The following PCDH15 variants were observed in gnomAD, a reference collection of about 807,000 sequenced individuals.
PCDH15 encodes the protein protocadherin-15.
Under a neutral mutation model 178.5 loss-of-function variants are expected in PCDH15, and 129 were observed. The ratio of observed to expected loss-of-function variants is 0.72; its 90% CI spans 0.63 to 0.84. The LOEUF (loss-of-function observed/expected upper bound fraction) is 0.84, where lower values mean the gene tolerates loss of function less well. Among genes scored for constraint, PCDH15 ranks in the 40% least tolerant of loss-of-function variants. The pLI, the probability that PCDH15 is intolerant of heterozygous loss-of-function variation, is 0.00. For synonymous variants in PCDH15, 800 were observed against 732.0 expected, an observed-to-expected ratio of 1.09 and a Z score of -1.50; for missense variants, 2,230 against 2,099.9, an observed-to-expected ratio of 1.06 and a Z score of -1.21.
rs141507593 is a variant in PCDH15, at chr10:55,484,513, C to T, written c.-156+143112G>A. 1.3e-4 allele frequency among the ~76,000 whole-genome samples: 19 copies of T among 151,490 alleles called. No homozygotes were observed. The East Asian group carries it at 2.7e-3, about 22-fold the overall frequency. On this transcript the variant is annotated intron_variant, in intron 2 of 5. Coordinates refer to the PCDH15 transcript ENST00000613346. ...TTCAATGCTATCCCTAACAAAATAC[C>T]AAGACATTATTCATAAAAATGGAAA...
chr10:53,865,647 TA>T (rs1197356102), intron 27 of PCDH15, among the ~76,000 whole-genome samples: 1 of 152,200 alleles, frequency 6.6e-6, no homozygotes, highest in African/African-American at 2.4e-5. Flanking sequence ...GGCCTTCATT[TA>T]CTCTATTGCA....
chr10:54,170,399 C>G (rs998486869), intron 13 of PCDH15, among the ~76,000 whole-genome samples: 10 of 151,950 alleles, frequency 6.6e-5, no homozygotes, highest in Admixed American at 5.9e-4. Flanking sequence ...CTCATGTCTG[C>G]GTGCAGTGGC....
chr10:54,153,940 T>C (rs12245299), intron 13 of PCDH15, among the ~76,000 whole-genome samples: 2,420 of 152,266 alleles, frequency 0.016, 78 homozygotes, highest in African/African-American at 0.056. Context: ...AAGGGTAACA[T>C]AGCCCAAGAA....
intron 28 of PCDH15, among the ~76,000 whole-genome samples, chr10:53,840,855 C>A (rs1369903448): frequency 3.9e-5 from 6 of 152,150 alleles, no homozygotes; most frequent in Non-Finnish European, 8.8e-5. Flanking sequence ...CTTGACTTCA[C>A]ATGGTTGGTG....
At chr10:55,557,572 A>G (rs956624453) in intron 2 of PCDH15, among the ~76,000 whole-genome samples, 3 of 152,196 alleles carry the variant, frequency 2.0e-5, no homozygotes, top group African/African-American at 7.2e-5. Context: ...TTATCTTACT[A>G]TGGCTTTTGC....
intron 29 of PCDH15, among the ~76,000 whole-genome samples, chr10:53,837,815 T>C (rs545498107): frequency 6.6e-6 from 1 of 151,892 alleles, no homozygotes; most frequent in Non-Finnish European, 1.5e-5. Flanking sequence ...AATTTTATTA[T>C]AAAATCTTTC....
intron 2 of PCDH15, among the ~76,000 whole-genome samples, chr10:55,109,477 G>C (rs1837444333): frequency 6.6e-6 from 1 of 152,108 alleles, no homozygotes. Context: ...TAAATGTCTA[G>C]AGAAGTTTTC....
intron 2 of PCDH15, among the ~76,000 whole-genome samples, chr10:55,028,858 T>A (rs1840541025): frequency 6.6e-6 from 1 of 152,042 alleles, no homozygotes; most frequent in Non-Finnish European, 1.5e-5. Context: ...ACCAACAACT[T>A]TCATATATCA....
At position 55,210,618 on chromosome 10, in the gene PCDH15, C is replaced by CTTTTTTTTTTTTTTTTTTT. The variant is rs11412877; in HGVS notation, c.-155-43986_-155-43968dup. ...ACGATTTTTTTTTCTTTTTTCTTTTCTTTTTTTTTTTTTTTTTTTTTTTTT... is the reference window on the plus strand; with the variant it reads ...ACGATTTTTTTTTCTTTTTTCTTTTCTTTTTTTTTTTTTTTTTTTTTTTTTTTTTTTTTTTTTTTTTTTT... On this transcript the variant is annotated intron_variant, in intron 1 of 5. Transcript: ENST00000458638. Among the ~76,000 whole-genome samples the CTTTTTTTTTTTTTTTTTTT allele has an allele frequency of 3.2e-4, 13 of 40,342 alleles. 2 individuals are homozygous for CTTTTTTTTTTTTTTTTTTT. Among genetic ancestry groups the CTTTTTTTTTTTTTTTTTTT allele is most frequent in the Non-Finnish European group, 3.6e-4 (9 of 24,814 alleles). 26.5% of individuals were successfully genotyped at this position (40,342 alleles called of 152,430 possible).
chr10:54,039,874 A>G (rs924274611), intron 18 of PCDH15, among the ~76,000 whole-genome samples: 25 of 151,940 alleles, frequency 1.6e-4, no homozygotes, highest in Admixed American at 4.6e-4. Flanking sequence ...TGAAGAATTT[A>G]TCATTACAAA....
intron 3 of PCDH15, among the ~76,000 whole-genome samples, chr10:54,479,016 AAAAG>A (rs1554992584): frequency 1.6e-4 from 24 of 151,886 alleles, no homozygotes; most frequent in African/African-American, 5.1e-4. Flanking sequence ...AAAAAAAAAA[AAAAG>A]AAAGAAAGAA....
chr10:54,498,030 GA>G (rs1389703569), intron 3 of PCDH15, among the ~76,000 whole-genome samples: 16 of 151,318 alleles, frequency 1.1e-4, no homozygotes, highest in Non-Finnish European at 1.6e-4. Context: ...TAACATGAAA[GA>G]AAAAAAATAT....
chr10:54,997,582 G>A (rs1209062789), intron 2 of PCDH15, among the ~76,000 whole-genome samples: 1 of 152,110 alleles, frequency 6.6e-6, no homozygotes, highest in African/African-American at 2.4e-5. Flanking sequence ...AAAACAAAAT[G>A]ATCTTTGTGC....
intron 2 of PCDH15, among the ~76,000 whole-genome samples, chr10:54,601,307 CT>C (rs1386291295): frequency 1.3e-5 from 2 of 151,488 alleles, no homozygotes; most frequent in Non-Finnish European, 2.9e-5. Context: ...TATCTAGCAT[CT>C]ATAAGGAATT....
At chr10:53,940,789 T>TTTCAA in intron 24 of PCDH15, 77 bp downstream of exon 24, 1 of 1,045,862 alleles carries the variant, frequency 9.6e-7, no homozygotes, top group Non-Finnish European at 1.5e-6. Context: ...TAGATAATAA[T>TTTCAA]TTCAATTCAA....
intron 2 of PCDH15, among the ~76,000 whole-genome samples, chr10:55,570,950 A>C (rs544197500): frequency 6.6e-6 from 1 of 152,090 alleles, no homozygotes; most frequent in Non-Finnish European, 1.5e-5. Context: ...GGCCACTATC[A>C]TAAAAGCAAT....
chr10:54,891,475 G>C (rs1280603768), intron 3 of PCDH15, among the ~76,000 whole-genome samples: 1 of 152,054 alleles, frequency 6.6e-6, no homozygotes, highest in Admixed American at 6.6e-5. Context: ...ATAAAAGTGT[G>C]GTCTCTTCTT....
At chr10:54,056,175 G>A (rs1373645029) in intron 18 of PCDH15, among the ~76,000 whole-genome samples, 1 of 152,114 alleles carries the variant, frequency 6.6e-6, no homozygotes, top group Non-Finnish European at 1.5e-5. Flanking sequence ...GCTGGAATGT[G>A]TAAAAATCAA....
intron 1 of PCDH15, among the ~76,000 whole-genome samples, chr10:55,230,474 T>C (rs913665613): frequency 1.3e-4 from 20 of 152,112 alleles, no homozygotes; most frequent in African/African-American, 4.8e-4. Flanking sequence ...TATCACATAT[T>C]TATTCATGTG....
Sources: gnomAD v4.1 joint callset for allele counts (sites outside exome capture counted in the v4.1 genomes callset) on GRCh38, gnomAD v4.1.1 for gene constraint, MANE v1.5 for transcripts, NCBI Gene and HGNC (gene_info 2026-07-23, HGNC 2026-07-21) for gene names.